LRP1B: variants seen among roughly 807,000 people sequenced by gnomAD.
LRP1B encodes low-density lipoprotein receptor-related protein 1B.
In LRP1B, 217 loss-of-function variants were observed where a neutral mutation model predicts 556.6. The observed-to-expected ratio is 0.39, with a 90% CI of 0.35 to 0.44. LRP1B has a LOEUF of 0.44. Among genes scored for constraint, LRP1B ranks in the 20% least tolerant of loss-of-function variants. The probability of loss-of-function intolerance (pLI) is 1.00; values close to 1 mark genes in which losing one functional copy is unlikely to be tolerated. For synonymous variants in LRP1B, 2,047 were observed against 1,865.8 expected (o/e 1.10, Z -2.50); for missense variants, 5,053 against 5,620.8 (o/e 0.90, Z 3.23).
intron 2 of LRP1B, among the ~76,000 whole-genome samples, chr2:141,533,029 A>G (rs534311243): frequency 3.9e-5 from 6 of 152,200 alleles, no homozygotes; most frequent in African/African-American, 1.2e-4. Flanking sequence ...GGTGTGGTAT[A>G]TCCAAAGATA....
At chr2:141,927,764 A>C (rs1401946220) in intron 1 of LRP1B, among the ~76,000 whole-genome samples, 1 of 151,996 alleles carries the variant, frequency 6.6e-6, no homozygotes, top group East Asian at 1.9e-4. Flanking sequence ...TGGAAGAATC[A>C]TAAATCCTTC....
intron 29 of LRP1B, among the ~76,000 whole-genome samples, chr2:140,849,529 A>G (rs940279806): frequency 1.3e-5 from 2 of 151,366 alleles, no homozygotes; most frequent in African/African-American, 4.9e-5. Flanking sequence ...AGACATGTAA[A>G]TTTTTTTTTA....
intron 6 of LRP1B, among the ~76,000 whole-genome samples, chr2:141,194,583 A>G (rs1476176980): frequency 2.0e-5 from 3 of 152,138 alleles, no homozygotes; most frequent in Non-Finnish European, 4.4e-5. Context: ...TAAAATTTAC[A>G]AAGCATTTTG....
At chr2:142,007,508 T>C (rs1396263005) in intron 1 of LRP1B, among the ~76,000 whole-genome samples, 2 of 152,174 alleles carry the variant, frequency 1.3e-5, no homozygotes, top group East Asian at 1.9e-4. Context: ...ACCTACAGAA[T>C]ACGAATGGGT....
intron 7 of LRP1B, among the ~76,000 whole-genome samples, chr2:141,099,592 T>A (rs1160285573): frequency 1.3e-5 from 2 of 152,180 alleles, no homozygotes; most frequent in Admixed American, 1.3e-4. Flanking sequence ...CTTGCACACA[T>A]GTCTGCACAC....
chr2:140,813,713 T>G lies in LRP1B; in HGVS notation c.5303A>C (p.Glu1768Ala). 1 of 1,612,858 alleles carries G rather than the reference T, an allele frequency of 6.2e-7. No individual in the cohort carries two copies. Among genetic ancestry groups the G allele is most frequent in the Non-Finnish European group, 8.5e-7 (1 of 1,178,986 alleles). Residue 1768 changes from glutamate to alanine, a missense_variant, in exon 32 of 91, where the codon GAA (glutamate) becomes GCA (alanine). Transcript: ENST00000389484. The stretch of plus-strand genomic sequence containing the variant: ...TTCTTCTTTCATTGACTCGATTACT[T>G]CTAAATTACCACCATCCAGGTTGCA... ...NRCNLDGGNL[E>A]VIESMKEELT...
chr2:140,407,067 A>G (rs1244524044), intron 66 of LRP1B, among the ~76,000 whole-genome samples: 1 of 152,100 alleles, frequency 6.6e-6, no homozygotes, highest in African/African-American at 2.4e-5. Context: ...TCTTTGAGAG[A>G]GTATACAGAA....
intron 31 of LRP1B, among the ~76,000 whole-genome samples, chr2:140,825,472 A>T (rs1404564070): frequency 6.6e-6 from 1 of 151,940 alleles, no homozygotes; most frequent in Non-Finnish European, 1.5e-5. Flanking sequence ...ATGCATACAA[A>T]CCAACATGTG....
chr2:140,636,949 C>T (rs966474770), intron 41 of LRP1B, among the ~76,000 whole-genome samples: 7 of 151,996 alleles, frequency 4.6e-5, no homozygotes, highest in Admixed American at 1.3e-4. Context: ...GAGAAGATGG[C>T]CCAAGGAATA....
intron 1 of LRP1B, among the ~76,000 whole-genome samples, chr2:141,852,174 A>T (rs575099560): frequency 6.6e-6 from 1 of 151,846 alleles, no homozygotes; most frequent in South Asian, 2.1e-4. Flanking sequence ...TTTGCACTGA[A>T]TTCATCTTTA....
intron 27 of LRP1B, among the ~76,000 whole-genome samples, chr2:140,865,119 A>G (rs1692909593): frequency 1.3e-5 from 2 of 152,168 alleles, no homozygotes; most frequent in African/African-American, 4.8e-5. Flanking sequence ...CTAATCCCAT[A>G]TAACAACAAC....
intron 60 of LRP1B, among the ~76,000 whole-genome samples, chr2:140,458,552 G>A (rs1368117242): frequency 5.3e-5 from 8 of 151,966 alleles, no homozygotes; most frequent in East Asian, 1.9e-4. Context: ...TTATAAAAAC[G>A]TACTATTTCT....
intron 41 of LRP1B, among the ~76,000 whole-genome samples, chr2:140,692,244 C>A (rs1192446059): frequency 6.6e-6 from 1 of 151,976 alleles, no homozygotes. Context: ...TCACATCAAC[C>A]ATATCATTTG....
At chr2:140,422,576 CA>C (rs1404584806) in intron 66 of LRP1B, among the ~76,000 whole-genome samples, 1 of 151,746 alleles carries the variant, frequency 6.6e-6, no homozygotes, top group Non-Finnish European at 1.5e-5. Flanking sequence ...ATAATTTGGC[CA>C]AAAGGTGATG....
intron 6 of LRP1B, among the ~76,000 whole-genome samples, chr2:141,207,716 C>A (rs1403168443): frequency 6.6e-6 from 1 of 152,170 alleles, no homozygotes; most frequent in Non-Finnish European, 1.5e-5. Flanking sequence ...ACTCTTGTTG[C>A]CCAGACTGGA....
chr2:141,466,921 T>C (rs1007825001), intron 3 of LRP1B, among the ~76,000 whole-genome samples: 3 of 144,956 alleles, frequency 2.1e-5, no homozygotes, highest in African/African-American at 5.1e-5. Context: ...CTGACTGATA[T>C]GGCATAAGTG....
At chr2:141,601,818 G>A (rs1177354650) in intron 2 of LRP1B, among the ~76,000 whole-genome samples, 2 of 152,076 alleles carry the variant, frequency 1.3e-5, no homozygotes, top group Non-Finnish European at 2.9e-5. Context: ...GGCCAGGCTG[G>A]TTTTGAACTA....
chr2:141,550,634 C>T (rs1199420324), intron 2 of LRP1B, among the ~76,000 whole-genome samples: 1 of 152,090 alleles, frequency 6.6e-6, no homozygotes, highest in Non-Finnish European at 1.5e-5. Flanking sequence ...TCTTCATCTC[C>T]CTAATTTTCT....
chr2:141,877,832 A>G (rs1698820768), intron 1 of LRP1B, among the ~76,000 whole-genome samples: 1 of 152,008 alleles, frequency 6.6e-6, no homozygotes, highest in African/African-American at 2.4e-5. Flanking sequence ...GGTAATGTTG[A>G]GGCAATTGCA....
Sources: allele counts gnomAD v4.1 joint callset (sites outside exome capture counted in the v4.1 genomes callset), GRCh38; gene constraint gnomAD v4.1.1; transcripts MANE v1.5; gene names NCBI Gene and HGNC (gene_info 2026-07-23, HGNC 2026-07-21).